Variants in TPST2 observed in about 807,000 individuals in gnomAD.
The protein encoded by TPST2 is tyrosylprotein sulfotransferase 2.
TPST2 carries 16 observed loss-of-function variants against 27.8 expected under a neutral mutation model. That is an observed-to-expected ratio of 0.58 (90% CI 0.39 to 0.88). TPST2 has a LOEUF of 0.88. Ranked by LOEUF, TPST2 falls within the 40% of genes least tolerant of loss-of-function variation. The probability of loss-of-function intolerance (pLI) is 0.00; values close to 1 mark genes in which losing one functional copy is unlikely to be tolerated. For missense variants in TPST2, 464 were observed against 543.1 expected (o/e 0.85, Z 1.45); for synonymous variants, 229 against 231.7 (o/e 0.99, Z 0.10).
At chr22:26,547,708 G>A (rs559933727) in intron 1 of TPST2, 4 of 152,336 alleles carry the variant, frequency 2.6e-5, no homozygotes, top group East Asian at 1.9e-4. Flanking sequence ...CCAGCTACTC[G>A]GGAGGCCGAG....
At chr22:26,549,889 T>A (rs1602272195) in intron 1 of TPST2, among the ~76,000 whole-genome samples, 3 of 119,786 alleles carry the variant, frequency 2.5e-5, no homozygotes, top group Non-Finnish European at 3.5e-5. Context: ...AAAAAAAAAA[T>A]TAGCCGGGTG....
At chr22:26,569,715 T>C (rs1373876042) in intron 1 of TPST2, among the ~76,000 whole-genome samples, 1 of 151,470 alleles carries the variant, frequency 6.6e-6, no homozygotes, top group Non-Finnish European at 1.5e-5. Context: ...TTTGGGAGGC[T>C]GAGGCAGGAG....
chr22:26,572,031 G>T (rs142393544), intron 1 of TPST2, among the ~76,000 whole-genome samples: 1 of 152,244 alleles, frequency 6.6e-6, no homozygotes, highest in Non-Finnish European at 1.5e-5. Context: ...TCTTCACGTG[G>T]CTTAGAGGGG....
chr22:26,570,342 C>T (rs1014061868), intron 1 of TPST2, among the ~76,000 whole-genome samples: 8 of 152,254 alleles, frequency 5.3e-5, no homozygotes, highest in East Asian at 1.9e-4. Flanking sequence ...ACCCACACCC[C>T]GGCTCCTGGC....
At chr22:26,544,490 G>A (rs1160224485) in intron 2 of TPST2, 114 bp downstream of exon 2, 7 of 433,446 alleles carry the variant, frequency 1.6e-5, no homozygotes, top group Non-Finnish European at 2.2e-5. Flanking sequence ...AAACCAGCCA[G>A]GGGAGTTTGC....
At chr22:26,569,972 GAAAGAAAGA>G (rs1927540320) in intron 1 of TPST2, among the ~76,000 whole-genome samples, 4 of 7,486 alleles carry the variant, frequency 5.3e-4, no homozygotes, top group Non-Finnish European at 7.2e-4. Flanking sequence ...AAAAAAGGAA[GAAAGAAAGA>G]AAAGAAAGAA....
At chr22:26,536,031 A>G (rs1925438880) in intron 4 of TPST2, 1 of 630,484 alleles carries the variant, frequency 1.6e-6, no homozygotes, top group East Asian at 3.1e-5. Flanking sequence ...AATAAGATGA[A>G]ATTAGTGTAC....
chr22:26,536,376 G>T lies in TPST2; in HGVS notation c.953C>A (p.Pro318His). ...DVVRDMAQIA[P>H]MLAQLGYDPY... ...GTCATAGCCGAGCTGAGCCAGCATG[G>T]GGGCGATCTGGGCCATGTCCCGCAC... The change falls in exon 4 of 7, where the codon CCC becomes CAC. Residue 318 changes from proline (P) to histidine (H), a missense_variant. Transcript: ENST00000338754. The T allele has an allele frequency of 6.2e-7, 1 of 1,608,530 alleles. No homozygotes were observed. Among genetic ancestry groups the T allele is most frequent in the East Asian group, 2.2e-5 (1 of 44,760 alleles).
chr22:26,574,280 T>C (rs550847464), intron 1 of TPST2, among the ~76,000 whole-genome samples: 4 of 152,218 alleles, frequency 2.6e-5, no homozygotes, highest in Non-Finnish European at 2.9e-5. Context: ...TTAGATGCCA[T>C]ATAACTATTA....
intron 1 of TPST2, among the ~76,000 whole-genome samples, chr22:26,583,634 G>A (rs1448525470): frequency 1.3e-5 from 2 of 151,744 alleles, no homozygotes; most frequent in African/African-American, 4.8e-5. Flanking sequence ...GGCAGGCGGA[G>A]TTCGAGACCA....
chr22:26,544,722 AG>A (rs2147194295), intron 1 of TPST2, 47 bp from the exon 2 acceptor site: 1 of 971,508 alleles, frequency 1.0e-6, no homozygotes, highest in East Asian at 1.1e-4. Flanking sequence ...CACTGTGGAG[AG>A]GGGCCAAGCC....
intron 1 of TPST2, among the ~76,000 whole-genome samples, chr22:26,566,747 G>A (rs528691208): frequency 1.3e-4 from 19 of 151,466 alleles, no homozygotes; most frequent in African/African-American, 4.4e-4. Flanking sequence ...GTAAGACTCT[G>A]TCTCAAAGTC....
intron 1 of TPST2, among the ~76,000 whole-genome samples, chr22:26,588,981 A>C (rs1426860267): frequency 6.6e-6 from 1 of 152,208 alleles, no homozygotes; most frequent in Non-Finnish European, 1.5e-5. Flanking sequence ...GGAAGCACCC[A>C]ACAATACCAG....
chr22:26,553,374 T>G (rs927163775), intron 1 of TPST2, among the ~76,000 whole-genome samples: 45 of 151,762 alleles, frequency 3.0e-4, no homozygotes, highest in African/African-American at 1.1e-3. Flanking sequence ...TGGCAGTTTT[T>G]TTTTTTTTTT....
intron 2 of TPST2, among the ~76,000 whole-genome samples, chr22:26,542,792 G>C (rs966152479): frequency 6.6e-6 from 1 of 152,240 alleles, no homozygotes; most frequent in Non-Finnish European, 1.5e-5. Context: ...GGAACTGCAA[G>C]TGACTTAGTG....
At chr22:26,556,830 G>A (rs557840545) in intron 1 of TPST2, among the ~76,000 whole-genome samples, 3 of 152,216 alleles carry the variant, frequency 2.0e-5, no homozygotes, top group African/African-American at 4.8e-5. Flanking sequence ...CCGTTTCCTC[G>A]CCCCACCATC....
intron 1 of TPST2, among the ~76,000 whole-genome samples, chr22:26,588,949 T>C (rs1451774020): frequency 6.6e-6 from 1 of 152,182 alleles, no homozygotes; most frequent in Non-Finnish European, 1.5e-5. Context: ...AAGGGCTGGC[T>C]AACTCTGTGG....
In TPST2 at chr22:26,530,957, C is replaced by T. The variant is rs570887270; in HGVS notation, c.1092+1738G>A. On this transcript the variant is annotated intron_variant, in intron 5 of 6. Transcript: ENST00000338754. ...CTGGGAGGCAGAAGCCGCAGTGAGCCGAGATCACCGCATTGCACTCCAGCC... is the reference window on the plus strand; with the variant it reads ...CTGGGAGGCAGAAGCCGCAGTGAGCTGAGATCACCGCATTGCACTCCAGCC... Among the ~76,000 whole-genome samples, 4 of 151,572 alleles carry T rather than the reference C, an allele frequency of 2.6e-5. No individual in the cohort carries two copies. In the East Asian group the frequency reaches 7.8e-4, roughly 30 times the overall value.
At chr22:26,578,652 T>A (rs2147238832) in intron 1 of TPST2, among the ~76,000 whole-genome samples, 1 of 152,166 alleles carries the variant, frequency 6.6e-6, no homozygotes, top group Non-Finnish European at 1.5e-5. Flanking sequence ...GAAGTCGGTG[T>A]CTACACAACA....
Sources: gnomAD v4.1 joint callset for allele counts (sites outside exome capture counted in the v4.1 genomes callset) on GRCh38, gnomAD v4.1.1 for gene constraint, MANE v1.5 for transcripts, NCBI Gene and HGNC (gene_info 2026-07-23, HGNC 2026-07-21) for gene names.